Variants in CNBD2 observed in about 807,000 individuals in gnomAD.
The protein encoded by CNBD2 is cyclic nucleotide-binding domain-containing protein 2.
A neutral mutation model predicts 63.7 loss-of-function variants in CNBD2; 64 were observed. The ratio of observed to expected loss-of-function variants is 1.00; its 90% CI spans 0.82 to 1.24. CNBD2 has a LOEUF of 1.24. Ranked by LOEUF, CNBD2 falls within the 50% of genes most tolerant of loss-of-function variation. The pLI, the probability that CNBD2 is intolerant of heterozygous loss-of-function variation, is 0.00. For synonymous variants in CNBD2, 229 were observed against 255.4 expected (o/e 0.90, Z 0.99); for missense variants, 691 against 713.5 (o/e 0.97, Z 0.36).
chr20:35,954,424 C>T, upstream of CNBD2: 1 of 1,550,992 alleles, frequency 6.4e-7, no homozygotes. Context: ...GACTCGGGAC[C>T]GGCCGAGAGT....
intron 8 of CNBD2, among the ~76,000 whole-genome samples, chr20:36,001,795 G>A (rs2056912212): frequency 6.6e-6 from 1 of 150,676 alleles, no homozygotes; most frequent in Non-Finnish European, 1.5e-5. Context: ...CATCTCAGAC[G>A]ATGGGCGGCC....
At position 35,984,124 on chromosome 20, in the gene CNBD2, G is replaced by C. The variant is rs746263424; in HGVS notation, c.550G>C (p.Gly184Arg). 6.2e-7 allele frequency: 1 copy of C among 1,607,698 alleles called. No individual in the cohort carries two copies. The highest frequency in any genetic ancestry group is 1.1e-5 in the South Asian group (1 of 90,012). Reference protein sequence around the residue: ...LDPHPKLLHKGSCFGEMDVLH... With the variant: ...LDPHPKLLHKRSCFGEMDVLH... ...TCCCCACCCGAAATTGCTGCACAAG[G>C]GTAGCTGTTTTGGGGTAAGCCCAGG... Residue 184 changes from glycine (G) to arginine (R), a missense_variant, in exon 5 of 12, where the codon GGT (glycine) becomes CGT (arginine). Coordinates refer to ENST00000373973, the MANE Select transcript of CNBD2 (RefSeq NM_001365709.1).
chr20:35,965,904 G>C (rs951889991), upstream of CNBD2, among the ~76,000 whole-genome samples: 1 of 152,180 alleles, frequency 6.6e-6, no homozygotes, highest in African/African-American at 2.4e-5. Context: ...CTGGCAAGAG[G>C]TGAGGTTGGC....
chr20:35,975,362 G>C (rs868218779), intron 2 of CNBD2, among the ~76,000 whole-genome samples: 1 of 109,004 alleles, frequency 9.2e-6, no homozygotes, highest in South Asian at 2.8e-4. Context: ...GTGCAGTGGC[G>C]CGATCTCGGC....
intron 10 of CNBD2, among the ~76,000 whole-genome samples, chr20:36,022,261 C>CA (rs2057225554): frequency 7.1e-6 from 1 of 141,554 alleles, no homozygotes; most frequent in South Asian, 2.2e-4. Flanking sequence ...TGCAGTGGCG[C>CA]AATTTTGGCT....
At chr20:35,980,176 C>A (rs1178201437) in intron 3 of CNBD2, among the ~76,000 whole-genome samples, 3 of 152,168 alleles carry the variant, frequency 2.0e-5, no homozygotes, top group African/African-American at 7.2e-5. Flanking sequence ...CAATGAACAA[C>A]ACAGGTCGGG....
chr20:35,966,415 T>C (rs978446405), upstream of CNBD2, among the ~76,000 whole-genome samples: 1 of 152,176 alleles, frequency 6.6e-6, no homozygotes, highest in Non-Finnish European at 1.5e-5. Context: ...TTAACAGATA[T>C]ACCCCACGGG....
rs778010266 is a variant in CNBD2 at position 36,008,396 on chromosome 20, G to A, written c.1070G>A (p.Gly357Glu). 4.3e-6 allele frequency: 7 copies of A among 1,613,964 alleles called. No individual in the cohort carries two copies. Among genetic ancestry groups the A allele is most frequent in the South Asian group, 1.1e-5 (1 of 91,078 alleles). The change falls in exon 9 of 12, where the codon GGG (glycine) becomes GAG (glutamate). Residue 357 changes from glycine to glutamate, a missense_variant. Gly to Glu is a moderately conservative substitution (Grantham distance 98). Transcript: ENST00000373973. The stretch of plus-strand genomic sequence containing the variant: ...CTTCCACATCTCAAAAAAGCCTGGG[G>A]GCTACAGGGGACAAGCTTCAGCAGG... Reference protein sequence around the residue: ...LKLPHLKKAWGLQGTSFSRKI... With the variant: ...LKLPHLKKAWELQGTSFSRKI...
intron 8 of CNBD2, among the ~76,000 whole-genome samples, chr20:36,001,085 A>G (rs1300756833): frequency 6.6e-6 from 1 of 151,646 alleles, no homozygotes; most frequent in African/African-American, 2.4e-5. Flanking sequence ...GATCAACAGG[A>G]TAAGAATTTT....
At chr20:35,993,668 AT>A (rs2056779414) in intron 7 of CNBD2, among the ~76,000 whole-genome samples, 1 of 152,124 alleles carries the variant, frequency 6.6e-6, no homozygotes, top group African/African-American at 2.4e-5. Context: ...ATATTCACTA[AT>A]ATGTTACTAC....
At chr20:36,005,489 A>T (rs2056971834) in intron 8 of CNBD2, among the ~76,000 whole-genome samples, 1 of 152,110 alleles carries the variant, frequency 6.6e-6, no homozygotes, top group African/African-American at 2.4e-5. Flanking sequence ...TGGCCAGGGG[A>T]TTGGGGACCC....
chr20:35,982,657 T>C (rs6142470), intron 4 of CNBD2, among the ~76,000 whole-genome samples: 28,441 of 152,094 alleles, frequency 0.19, 2,874 homozygotes, highest in South Asian at 0.41. Context: ...TAAAGCATTT[T>C]TAAACCTTAT....
chr20:35,962,060 C>G (rs1282193897), intron 2 of CNBD2, among the ~76,000 whole-genome samples: 2 of 152,162 alleles, frequency 1.3e-5, no homozygotes, highest in Non-Finnish European at 2.9e-5. Context: ...AGGCCTGCAG[C>G]CATAGCGTTC....
rs1421968031 is a variant in CNBD2 at position 35,980,860 on chromosome 20, C to T, written c.407+238C>T. On this transcript the variant is annotated intron_variant, in intron 4 of 11. Transcript: ENST00000373973. ...TCTGGAGAGGATCTAGTAGAAACCTCAGAGAGGATCTGGTCCAATTCCCTC... is the reference window on the plus strand; with the variant it reads ...TCTGGAGAGGATCTAGTAGAAACCTTAGAGAGGATCTGGTCCAATTCCCTC... Among the ~76,000 whole-genome samples, 4 of 152,198 alleles carry T rather than the reference C, an allele frequency of 2.6e-5. No homozygotes were observed. In the East Asian group the frequency reaches 7.7e-4, roughly 29 times the overall value.
intron 8 of CNBD2, among the ~76,000 whole-genome samples, chr20:36,003,921 G>A (rs1194085239): frequency 2.0e-5 from 3 of 152,038 alleles, no homozygotes; most frequent in East Asian, 3.9e-4. Context: ...AGCCAGGGTT[G>A]TGGTCTCATC....
Position 35,972,663 on chromosome 20 carries a change from T to C in CNBD2, c.86T>C (p.Met29Thr). The C allele has an allele frequency of 6.2e-7, 1 of 1,614,112 alleles. No homozygotes were observed. The highest frequency in any genetic ancestry group is 1.3e-5 in the African/African-American group (1 of 75,048). ...LYQLAMDIIIMIRVCKMFRQG... is the reference protein window; with the variant it reads ...LYQLAMDIIITIRVCKMFRQG... The stretch of plus-strand genomic sequence containing the variant: ...CAGCTCGCCATGGATATCATCATAA[T>C]GATCCGAGTGTGTAAAATGTTCCGC... The change falls in exon 2 of 12, where the codon ATG (methionine) becomes ACG (threonine). Residue 29 changes from methionine (M) to threonine (T), a missense_variant. Coordinates refer to ENST00000373973, the MANE Select transcript of CNBD2 (RefSeq NM_001365709.1).
rs753887587 is a variant in CNBD2 at position 35,984,641 on chromosome 20, G to A, written c.579G>A (p.Leu193=). ...KGSCFGEMDV[L]HASVRRSTIV... ...CCACCCAACAGGAAATGGACGTTCT[G>A]CATGCTTCAGTGAGGAGGTCCACCA... is the stretch of plus-strand genomic sequence containing the variant. The change falls in exon 6 of 12, where the codon CTG becomes CTA. Residue 193 remains leucine, a synonymous_variant. Coordinates refer to ENST00000373973, the MANE Select transcript of CNBD2 (RefSeq NM_001365709.1). 6.2e-7 allele frequency: 1 copy of A among 1,614,058 alleles called. No individual in the cohort carries two copies. The highest frequency in any genetic ancestry group is 8.5e-7 in the Non-Finnish European group (1 of 1,180,032).
intron 8 of CNBD2, among the ~76,000 whole-genome samples, chr20:36,004,532 A>G (rs1601076401): frequency 6.6e-6 from 1 of 151,608 alleles, no homozygotes; most frequent in South Asian, 2.1e-4. Context: ...TCTGTCTTGC[A>G]TCATGGATGA....
At chr20:36,000,584 A>G (rs2056882511) in intron 8 of CNBD2, among the ~76,000 whole-genome samples, 1 of 151,762 alleles carries the variant, frequency 6.6e-6, no homozygotes. Flanking sequence ...TCTGAGATGG[A>G]GTCTTGCTCT....
Sources: gnomAD v4.1 joint callset for allele counts (sites outside exome capture counted in the v4.1 genomes callset) on GRCh38, gnomAD v4.1.1 for gene constraint, MANE v1.5 for transcripts, NCBI Gene and HGNC (gene_info 2026-07-23, HGNC 2026-07-21) for gene names.